The following TRIM2 variants were observed in gnomAD, a reference collection of about 807,000 sequenced individuals.
The protein encoded by TRIM2 is tripartite motif containing 2.
TRIM2 carries 20 observed loss-of-function variants against 75.2 expected under a neutral mutation model. The ratio of observed to expected loss-of-function variants is 0.27; its 90% CI spans 0.19 to 0.39. TRIM2 has a LOEUF of 0.39. Ranked by LOEUF, TRIM2 falls within the 10% of genes least tolerant of loss-of-function variation. The pLI is 1.00. For missense variants in TRIM2, 660 were observed against 990.8 expected (o/e 0.67, Z 4.48); for synonymous variants, 373 against 388.3 (o/e 0.96, Z 0.46).
At chr4:153,168,671 G>GAAGT in intron 1 of TRIM2, among the ~76,000 whole-genome samples, 1 of 145,506 alleles carries the variant, frequency 6.9e-6, no homozygotes, top group South Asian at 2.2e-4. Flanking sequence ...GAGTGTCAAA[G>GAAGT]AAGTTTTTCT....
At chr4:153,155,848 G>A (rs1047912816) in intron 1 of TRIM2, among the ~76,000 whole-genome samples, 11 of 152,274 alleles carry the variant, frequency 7.2e-5, no homozygotes, top group East Asian at 5.8e-4. Context: ...GTAGAGAAAC[G>A]TTGGTCCATG....
intron 1 of TRIM2, among the ~76,000 whole-genome samples, chr4:153,190,820 C>T (rs1291886601): frequency 1.3e-5 from 2 of 152,314 alleles, no homozygotes; most frequent in Admixed American, 6.5e-5. Flanking sequence ...TCACTGCAAC[C>T]TCTGCCTCCT....
intron 1 of TRIM2, among the ~76,000 whole-genome samples, chr4:153,220,003 C>T (rs1739525106): frequency 6.6e-6 from 1 of 152,172 alleles, no homozygotes; most frequent in South Asian, 2.1e-4. Context: ...TAAGGATGAT[C>T]CAGAGATTAA....
chr4:153,299,015 C>T (rs184026803), intron 6 of TRIM2, among the ~76,000 whole-genome samples: 65 of 152,130 alleles, frequency 4.3e-4, no homozygotes, highest in African/African-American at 1.2e-3. Flanking sequence ...CTGGGATTAC[C>T]GGCGTGAGCC....
At chr4:153,241,433 G>C (rs1399438724) in intron 1 of TRIM2, among the ~76,000 whole-genome samples, 1 of 152,160 alleles carries the variant, frequency 6.6e-6, no homozygotes, top group Admixed American at 6.5e-5. Context: ...CAGGTTTGTG[G>C]GCGAGACACC....
intron 1 of TRIM2, among the ~76,000 whole-genome samples, chr4:153,244,622 T>C (rs935319048): frequency 2.0e-5 from 3 of 151,760 alleles, no homozygotes; most frequent in African/African-American, 7.3e-5. Flanking sequence ...TAAGAAAGCT[T>C]TGCATTTCCT....
intron 6 of TRIM2, among the ~76,000 whole-genome samples, chr4:153,299,505 T>C (rs1440187859): frequency 6.6e-6 from 1 of 152,214 alleles, no homozygotes; most frequent in African/African-American, 2.4e-5. Flanking sequence ...AGATATCTCT[T>C]TGACATCTTG....
intron 3 of TRIM2, among the ~76,000 whole-genome samples, chr4:153,279,574 A>G (rs765717011): frequency 6.6e-6 from 1 of 152,188 alleles, no homozygotes; most frequent in Non-Finnish European, 1.5e-5. Flanking sequence ...GAAATTTTAT[A>G]GGTTTAAGTA....
At chr4:153,250,661 A>G (rs537379153) in intron 1 of TRIM2, among the ~76,000 whole-genome samples, 2 of 152,192 alleles carry the variant, frequency 1.3e-5, no homozygotes, top group Non-Finnish European at 2.9e-5. Flanking sequence ...AGAAGGATAG[A>G]GCCTGGAGCA....
intron 1 of TRIM2, among the ~76,000 whole-genome samples, chr4:153,183,029 T>C (rs1461488639): frequency 6.6e-6 from 1 of 152,158 alleles, no homozygotes; most frequent in African/African-American, 2.4e-5. Context: ...TACTAAAGAT[T>C]TGATGAATGA....
chr4:153,174,376 C>T (rs1169131942), intron 1 of TRIM2, among the ~76,000 whole-genome samples: 3 of 152,012 alleles, frequency 2.0e-5, no homozygotes, highest in African/African-American at 4.8e-5. Context: ...AGGAATCAGT[C>T]CTGAGACTCA....
intron 11 of TRIM2, among the ~76,000 whole-genome samples, chr4:153,330,119 G>T (rs1469752168): frequency 6.6e-6 from 1 of 151,990 alleles, no homozygotes; most frequent in African/African-American, 2.4e-5. Flanking sequence ...CACAACTCCC[G>T]TATGAAATAA....
chr4:153,227,725 T>A (rs1418349106), intron 1 of TRIM2, among the ~76,000 whole-genome samples: 2 of 152,120 alleles, frequency 1.3e-5, no homozygotes, highest in Non-Finnish European at 2.9e-5. Flanking sequence ...CAGTTGTGAT[T>A]CTCCTGGGAA....
chr4:153,269,521 A>G lies in TRIM2; in HGVS notation c.31-814A>G, dbSNP rs147663972. ...GTCCTTTTCTGTCTGTTCTTTCTAT[A>G]TAGCTTTCAGCTCAAAATAATCCTT... is the stretch of plus-strand genomic sequence containing the variant. On this transcript the variant is annotated intron_variant, in intron 1 of 11. Coordinates refer to ENST00000338700, the MANE Select transcript of TRIM2 (RefSeq NM_015271.5). Among the ~76,000 whole-genome samples the G allele has an allele frequency of 2.6e-3, 395 of 152,330 alleles. 3 individuals carry two copies. The highest frequency in any genetic ancestry group is 5.0e-3 in the Admixed American group (77 of 15,294).
At chr4:153,284,701 G>T (rs960635274) in intron 3 of TRIM2, among the ~76,000 whole-genome samples, 27 of 152,160 alleles carry the variant, frequency 1.8e-4, no homozygotes, top group African/African-American at 6.0e-4. Context: ...TAACAATGTG[G>T]ATCATATTTT....
chr4:153,190,088 C>G (rs1173028065), intron 1 of TRIM2, among the ~76,000 whole-genome samples: 1 of 152,158 alleles, frequency 6.6e-6, no homozygotes, highest in East Asian at 1.9e-4. Flanking sequence ...TCAGCAAATT[C>G]CTTTCGGCTT....
chr4:153,290,774 G>A (rs1461376266), intron 3 of TRIM2, among the ~76,000 whole-genome samples: 4 of 152,114 alleles, frequency 2.6e-5, no homozygotes, highest in African/African-American at 4.8e-5. Context: ...CTACAGGCAT[G>A]TGCCACCACG....
chr4:153,203,204 A>C (rs901055310), upstream of TRIM2, among the ~76,000 whole-genome samples: 6 of 151,682 alleles, frequency 4.0e-5, no homozygotes, highest in Non-Finnish European at 8.8e-5. Context: ...TGAACTTCTG[A>C]TATGTTTGAT....
Position 153,338,770 on chromosome 4 carries a change from A to G in TRIM2, c.*3804A>G. 1.0e-6 allele frequency: 1 copy of G among 985,724 alleles called. No individual in the cohort carries two copies. The highest frequency in any genetic ancestry group is 1.2e-6 in the Non-Finnish European group (1 of 829,912). 61.1% of individuals were successfully genotyped at this position (985,724 alleles called of 1,614,324 possible). On this transcript the variant is annotated 3_prime_UTR_variant, in exon 12 of 12. Transcript: ENST00000338700. ...TCTAGAATAGATTAATAAATTGGCT[A>G]TGTTGTTCCAATGAATGTACAGCAC...
Sources: allele counts gnomAD v4.1 joint callset (sites outside exome capture counted in the v4.1 genomes callset), GRCh38; gene constraint gnomAD v4.1.1; transcripts MANE v1.5; gene names NCBI Gene and HGNC (gene_info 2026-07-23, HGNC 2026-07-21).